CEP85: variants seen among roughly 807,000 people sequenced by gnomAD.
CEP85 encodes centrosomal protein of 85 kDa.
A neutral mutation model predicts 93.7 loss-of-function variants in CEP85; 58 were observed. That is an observed-to-expected ratio of 0.62 (90% CI 0.50 to 0.77). The LOEUF (loss-of-function observed/expected upper bound fraction) is 0.77, where lower values mean the gene tolerates loss of function less well. Ranked by LOEUF, CEP85 falls within the 30% of genes least tolerant of loss-of-function variation. CEP85 has a pLI of 0.00. For synonymous variants in CEP85, 314 were observed against 338.6 expected, an observed-to-expected ratio of 0.93 and a Z score of 0.80; for missense variants, 868 against 922.0, an observed-to-expected ratio of 0.94 and a Z score of 0.76.
At position 26,255,591 on chromosome 1, in the gene CEP85, C is replaced by T. The variant is rs1018015977; in HGVS notation, c.629C>T (p.Pro210Leu). 6 of 1,614,016 alleles carry T rather than the reference C, an allele frequency of 3.7e-6. No individual in the cohort carries two copies. The South Asian group carries it at 6.6e-5, about 18-fold the overall frequency. Reference sequence around the variant, plus strand: ...CACCACCGAGTCCGCTTCCACAACCCAAGAACCAGCACAAGTAAGGAGTTG... The same window carrying T: ...CACCACCGAGTCCGCTTCCACAACCTAAGAACCAGCACAAGTAAGGAGTTG... The part of the protein sequence containing the change: ...DPHHRVRFHN[P>L]RTSTSKELYR... The change falls in exon 4 of 14, where the codon CCA becomes CTA. Residue 210 changes from proline (P) to leucine (L), a missense_variant. Coordinates refer to ENST00000451429, the MANE Select transcript of CEP85 (RefSeq NM_001319944.2).
chr1:26,244,766 C>T (rs1186019260), intron 3 of CEP85, among the ~76,000 whole-genome samples: 2 of 152,098 alleles, frequency 1.3e-5, no homozygotes, highest in African/African-American at 4.8e-5. Context: ...AAGAGAACCA[C>T]CTGCCTCGGC....
At chr1:26,239,617 GC>G in intron 1 of CEP85, 144 bp from the exon 2 acceptor site, 1 of 537,208 alleles carries the variant, frequency 1.9e-6, no homozygotes, top group East Asian at 3.6e-5. Context: ...CTCCCAAAGT[GC>G]TGGGATTACA....
At chr1:26,237,506 G>A (rs2089344519) in intron 1 of CEP85, among the ~76,000 whole-genome samples, 1 of 152,154 alleles carries the variant, frequency 6.6e-6, no homozygotes, top group Non-Finnish European at 1.5e-5. Context: ...GTTCATCCAT[G>A]TTGTCACATG....
chr1:26,258,100 G>A, intron 5 of CEP85, 43 bp from the exon 6 acceptor site: 1 of 1,338,122 alleles, frequency 7.5e-7, no homozygotes, highest in Non-Finnish European at 1.1e-6. Context: ...TATTGTGAGG[G>A]GTTAGCATCA....
chr1:26,260,202 C>A (rs1557660886), intron 7 of CEP85, among the ~76,000 whole-genome samples: 2 of 152,112 alleles, frequency 1.3e-5, no homozygotes, highest in African/African-American at 4.8e-5. Context: ...GAGAAAAATT[C>A]CATGTGCATC....
intron 4 of CEP85, among the ~76,000 whole-genome samples, chr1:26,256,928 G>GTTTTGGTGTGTGTGTGTGTGTGTGTGT (rs199539021): frequency 7.2e-5 from 8 of 111,492 alleles, no homozygotes; most frequent in African/African-American, 2.7e-4. Context: ...GTTTTGTTTT[G>GTTTTGGTGTGTGTGTGTGTGTGTGTGT]GTGTGTGTGT....
Position 26,273,846 on chromosome 1 carries a change from G to A in CEP85, c.1795-1118G>A, listed in dbSNP as rs182898279. 6.7e-3 allele frequency among the ~76,000 whole-genome samples: 1,017 copies of A among 151,792 alleles called. 6 individuals carry two copies. Among genetic ancestry groups the A allele is most frequent in the Non-Finnish European group, 0.012 (795 of 67,956 alleles). On this transcript the variant is annotated intron_variant, in intron 11 of 13. Coordinates refer to ENST00000451429, the MANE Select transcript of CEP85 (RefSeq NM_001319944.2). ...TGGGAGGTGGAGGTTGCAGTGAGCC[G>A]AGATCACGCCACTGCACTCCAGCCA...
chr1:26,235,658 C>T (rs367639833), intron 1 of CEP85, among the ~76,000 whole-genome samples: 1 of 149,656 alleles, frequency 6.7e-6, no homozygotes, highest in African/African-American at 2.5e-5. Context: ...CCGCAACCTC[C>T]GCCTCCCAGG....
chr1:26,276,500 C>T (rs2090054232), intron 12 of CEP85, 35 bp from the exon 13 acceptor site: 1 of 1,530,300 alleles, frequency 6.5e-7, no homozygotes. Context: ...TCTCCCTGGG[C>T]CTGAGTTAAT....
At chr1:26,265,618 TG>T (rs1295132663) in intron 7 of CEP85, among the ~76,000 whole-genome samples, 12 of 152,174 alleles carry the variant, frequency 7.9e-5, no homozygotes, top group Non-Finnish European at 1.5e-4. Context: ...TTCAGCTCTG[TG>T]GTTGATACTT....
chr1:26,258,910 C>T (rs2089764651), intron 6 of CEP85, among the ~76,000 whole-genome samples: 1 of 152,004 alleles, frequency 6.6e-6, no homozygotes, highest in African/African-American at 2.4e-5. Flanking sequence ...CATTTTTATC[C>T]TCCATATCTA....
At chr1:26,246,704 G>A (rs1344839266) in intron 3 of CEP85, among the ~76,000 whole-genome samples, 1 of 149,350 alleles carries the variant, frequency 6.7e-6, no homozygotes, top group East Asian at 1.9e-4. Flanking sequence ...ACTCCAGCTT[G>A]GGCAACAGAG....
Position 26,277,537 on chromosome 1 carries a change from A to G in CEP85, c.*244A>G. Reference sequence around the variant, plus strand: ...TTACTAATTAACTTTTGGCAGGTACAACAGATAAGTCCTCACAAACTGTTC... The same window carrying G: ...TTACTAATTAACTTTTGGCAGGTACGACAGATAAGTCCTCACAAACTGTTC... On this transcript the variant is annotated 3_prime_UTR_variant, in exon 14 of 14. Coordinates refer to ENST00000451429, the MANE Select transcript of CEP85 (RefSeq NM_001319944.2). 7.2e-6 allele frequency: 3 copies of G among 416,700 alleles called. 1 individual carries two copies. The South Asian group carries it at 9.1e-5, about 13-fold the overall frequency. 25.8% of individuals were successfully genotyped at this position (416,700 alleles called of 1,614,324 possible). A position where few individuals can be genotyped will look rare whatever the true frequency, so the allele number is the denominator to read the frequency against.
chr1:26,248,522 G>C (rs1035110513), intron 3 of CEP85, among the ~76,000 whole-genome samples: 1 of 152,000 alleles, frequency 6.6e-6, no homozygotes, highest in Non-Finnish European at 1.5e-5. Context: ...TTTCGAGACA[G>C]AGTCGCTCTG....
At chr1:26,250,430 C>T (rs2089588031) in intron 3 of CEP85, among the ~76,000 whole-genome samples, 1 of 152,200 alleles carries the variant, frequency 6.6e-6, no homozygotes, top group South Asian at 2.1e-4. Context: ...GAAACCATCC[C>T]CCCAACCATC....
intron 9 of CEP85, among the ~76,000 whole-genome samples, 168 bp downstream of exon 9, chr1:26,269,782 C>CTTTTTTTTTTT (rs748230113): frequency 2.4e-5 from 2 of 84,710 alleles, no homozygotes; most frequent in African/African-American, 4.6e-5. Flanking sequence ...TGGGAAGCGG[C>CTTTTTTTTTTT]TTTTTTTTTT....
chr1:26,269,217 G>C (rs1290892306), intron 8 of CEP85: 1 of 496,362 alleles, frequency 2.0e-6, no homozygotes, highest in Non-Finnish European at 3.7e-6. Flanking sequence ...GCCAATAGGG[G>C]AACGACATAG....
intron 4 of CEP85, 38 bp from the exon 5 acceptor site, chr1:26,257,559 G>C: frequency 1.2e-6 from 2 of 1,611,788 alleles, no homozygotes; most frequent in Non-Finnish European, 1.7e-6. Context: ...GCGTGTATGG[G>C]TCAAGATCAA....
chr1:26,263,207 T>A (rs12142535), intron 7 of CEP85: 45,036 of 285,030 alleles, frequency 0.16, 3,853 homozygotes, highest in Middle Eastern at 0.18. Context: ...GCATAAAAAT[T>A]CACCAAGAAA....
Sources: gnomAD v4.1 joint callset for allele counts (sites outside exome capture counted in the v4.1 genomes callset) on GRCh38, gnomAD v4.1.1 for gene constraint, MANE v1.5 for transcripts, NCBI Gene and HGNC (gene_info 2026-07-23, HGNC 2026-07-21) for gene names.